Variants in MAST2 observed in about 807,000 individuals in gnomAD.
MAST2 encodes microtubule-associated serine/threonine-protein kinase 2.
MAST2 carries 70 observed loss-of-function variants against 147.4 expected under a neutral mutation model. That is an observed-to-expected ratio of 0.47 (90% CI 0.39 to 0.58). The LOEUF (loss-of-function observed/expected upper bound fraction) is 0.58, where lower values mean the gene tolerates loss of function less well. MAST2 is among the 20% of genes least tolerant of loss of function. The pLI is 0.00. For synonymous variants in MAST2, 869 were observed against 896.8 expected (o/e 0.97, Z 0.55); for missense variants, 2,080 against 2,302.3 (o/e 0.90, Z 1.98).
Position 46,034,919 on chromosome 1 carries a change from C to T in MAST2, c.4250C>T (p.Ala1417Val), listed in dbSNP as rs751343543. 3 of 1,614,180 alleles carry T rather than the reference C, an allele frequency of 1.9e-6. No homozygotes were observed. In the Admixed American group the frequency reaches 5.0e-5, roughly 27 times the overall value. ...GAGAAACTGGCAGCAGCACTTGCCGCCTCTGAGAAGAAGCTAGCCACTTCT... is the reference window on the plus strand; with the variant it reads ...GAGAAACTGGCAGCAGCACTTGCCGTCTCTGAGAAGAAGCTAGCCACTTCT... Reference protein sequence around the residue: ...SAEKLAAALAASEKKLATSRK... With the variant: ...SAEKLAAALAVSEKKLATSRK... Residue 1417 changes from alanine (A) to valine (V), a missense_variant, in exon 29 of 29, where the codon GCC (alanine) becomes GTC (valine). Ala to Val is a moderately conservative substitution (Grantham distance 64, BLOSUM62 0). Coordinates refer to ENST00000361297, the MANE Select transcript of MAST2 (RefSeq NM_015112.3).
intron 1 of MAST2, among the ~76,000 whole-genome samples, chr1:45,822,504 C>T (rs1464163962): frequency 1.3e-5 from 2 of 152,078 alleles, no homozygotes; most frequent in Non-Finnish European, 2.9e-5. Flanking sequence ...GTATGTGTTT[C>T]TCTTAATTGG....
rs544690002 is a variant in MAST2 at position 45,908,331 on chromosome 1, A to G, written c.500+25936A>G. On this transcript the variant is annotated intron_variant, in intron 4 of 28. Transcript: ENST00000361297. ...TAATCTACATTAGGTATTTCTCCCA[A>G]TGCTATCCCTCCCTGGACTTTTTAA... 6.8e-4 allele frequency among the ~76,000 whole-genome samples: 103 copies of G among 152,262 alleles called. 1 individual carries two copies. Among genetic ancestry groups the G allele is most frequent in the African/African-American group, 2.3e-3 (97 of 41,554 alleles).
chr1:46,032,834 T>C (rs1382480507), intron 26 of MAST2, 116 bp downstream of exon 26: 5 of 1,412,870 alleles, frequency 3.5e-6, no homozygotes, highest in Admixed American at 2.0e-5. Flanking sequence ...CGAGTATGGA[T>C]GTAGGTACAC....
chr1:46,026,817 G>GC (rs1646433427), intron 16 of MAST2, among the ~76,000 whole-genome samples: 1 of 152,180 alleles, frequency 6.6e-6, no homozygotes, highest in African/African-American at 2.4e-5. Flanking sequence ...TTTGACATAA[G>GC]ACAGACCTGA....
chr1:45,804,530 T>A (rs1353276214), intron 1 of MAST2, among the ~76,000 whole-genome samples: 2 of 152,212 alleles, frequency 1.3e-5, no homozygotes, highest in African/African-American at 4.8e-5. Context: ...ATCATTATAC[T>A]TTTGTACCAG....
intron 4 of MAST2, among the ~76,000 whole-genome samples, chr1:45,920,495 A>AT (rs1216486327): frequency 3.3e-5 from 5 of 151,956 alleles, no homozygotes; most frequent in Admixed American, 2.6e-4. Flanking sequence ...ATTTCATCTA[A>AT]TTTTTTTGTT....
chr1:45,909,377 C>T (rs1187741062), intron 4 of MAST2, among the ~76,000 whole-genome samples: 1 of 152,114 alleles, frequency 6.6e-6, no homozygotes, highest in East Asian at 1.9e-4. Flanking sequence ...TTTTCAATAT[C>T]ATTTACGTTA....
intron 3 of MAST2, among the ~76,000 whole-genome samples, chr1:45,872,418 T>C (rs1388245551): frequency 6.6e-6 from 1 of 152,088 alleles, no homozygotes; most frequent in African/African-American, 2.4e-5. Context: ...CTTTAGTCAT[T>C]GTGAATAATG....
intron 5 of MAST2, among the ~76,000 whole-genome samples, chr1:45,993,043 A>T (rs1183383273): frequency 6.6e-6 from 1 of 151,870 alleles, no homozygotes. Context: ...AGAATCTTCC[A>T]TTTCTCCCCT....
rs771224831 is a variant in MAST2 at position 45,829,421 on chromosome 1, C to T, written c.326-18C>T. On this transcript the variant is annotated intron_variant, in intron 2 of 28. Transcript: ENST00000361297. ...AATAAATAATTACATGTATATTTTC[C>T]AAACCTTGTATTTGAAGGTAAGCAG... 1 of 1,597,938 alleles carries T rather than the reference C, an allele frequency of 6.3e-7. No homozygotes were observed. The highest frequency in any genetic ancestry group is 8.5e-7 in the Non-Finnish European group (1 of 1,171,232).
At chr1:45,804,676 A>G (rs1175200338) in intron 1 of MAST2, among the ~76,000 whole-genome samples, 1 of 152,244 alleles carries the variant, frequency 6.6e-6, no homozygotes, top group African/African-American at 2.4e-5. Context: ...TTTGCCTGCT[A>G]GTTTTCCACT....
intron 4 of MAST2, among the ~76,000 whole-genome samples, chr1:45,916,628 G>A (rs940519328): frequency 1.3e-5 from 2 of 152,126 alleles, no homozygotes; most frequent in African/African-American, 4.8e-5. Flanking sequence ...TATTATTGTT[G>A]ATATAATCAA....
chr1:45,843,465 T>A (rs1262641432), intron 3 of MAST2, among the ~76,000 whole-genome samples: 2 of 152,158 alleles, frequency 1.3e-5, no homozygotes, highest in Non-Finnish European at 1.5e-5. Flanking sequence ...GAGGCAAGAG[T>A]TTATTTTTTT....
At chr1:45,975,180 G>C (rs1644086024) in intron 5 of MAST2, among the ~76,000 whole-genome samples, 2 of 152,078 alleles carry the variant, frequency 1.3e-5, no homozygotes, top group African/African-American at 2.4e-5. Flanking sequence ...ACCTGTTCAG[G>C]GTATGTTAAG....
At chr1:45,816,623 T>C (rs11211195) in intron 1 of MAST2, among the ~76,000 whole-genome samples, 67,220 of 151,542 alleles carry the variant, frequency 0.44, 15,044 homozygotes, top group East Asian at 0.62. Flanking sequence ...GTTGATATAC[T>C]AAGGAATGCA....
intron 12 of MAST2, among the ~76,000 whole-genome samples, chr1:46,022,434 T>C (rs755514724): frequency 6.6e-6 from 1 of 152,238 alleles, no homozygotes; most frequent in Non-Finnish European, 1.5e-5. Context: ...CAGGTCTTCC[T>C]GTGTCTTTGG....
At chr1:45,972,712 C>T (rs971767718) in intron 5 of MAST2, among the ~76,000 whole-genome samples, 3 of 152,212 alleles carry the variant, frequency 2.0e-5, no homozygotes, top group Admixed American at 6.5e-5. Flanking sequence ...TCATCTAAAC[C>T]TCTGAACATT....
At chr1:45,984,765 A>C (rs1018938693) in intron 5 of MAST2, among the ~76,000 whole-genome samples, 3 of 152,078 alleles carry the variant, frequency 2.0e-5, no homozygotes, top group Non-Finnish European at 4.4e-5. Context: ...ACGCGGGAGG[A>C]TTGCTTGAGC....
At chr1:45,895,535 C>G (rs968214471) in intron 4 of MAST2, among the ~76,000 whole-genome samples, 1 of 152,196 alleles carries the variant, frequency 6.6e-6, no homozygotes, top group South Asian at 2.1e-4. Flanking sequence ...TCAGATTTAC[C>G]TGTGGGAACC....
Sources: gnomAD v4.1 joint callset for allele counts (sites outside exome capture counted in the v4.1 genomes callset) on GRCh38, gnomAD v4.1.1 for gene constraint, MANE v1.5 for transcripts, NCBI Gene and HGNC (gene_info 2026-07-23, HGNC 2026-07-21) for gene names.